The following CLYBL variants were observed in gnomAD, a reference collection of about 807,000 sequenced individuals.
CLYBL encodes citramalyl-CoA lyase.
CLYBL carries 31 observed loss-of-function variants against 38.9 expected under a neutral mutation model. The observed-to-expected ratio is 0.80, with a 90% CI of 0.60 to 1.08. The LOEUF (loss-of-function observed/expected upper bound fraction) is 1.08, where lower values mean the gene tolerates loss of function less well. Among genes scored for constraint, CLYBL ranks in the 50% least tolerant of loss-of-function variants. The pLI is 0.00. For synonymous variants in CLYBL, 171 were observed against 158.6 expected (o/e 1.08, Z -0.59); for missense variants, 434 against 411.6 (o/e 1.05, Z -0.47).
chr13:99,829,206 C>T (rs761619365), intron 2 of CLYBL, among the ~76,000 whole-genome samples: 1 of 152,214 alleles, frequency 6.6e-6, no homozygotes, highest in Admixed American at 6.5e-5. Context: ...TCATTTTAGT[C>T]ACCACCTCTT....
chr13:99,740,505 G>T (rs1303199594), intron 1 of CLYBL, among the ~76,000 whole-genome samples: 1 of 152,108 alleles, frequency 6.6e-6, no homozygotes, highest in Non-Finnish European at 1.5e-5. Flanking sequence ...GTGGCTACGT[G>T]GGTTCTTACT....
chr13:99,611,725 C>T (rs2046629632), intron 1 of CLYBL, among the ~76,000 whole-genome samples: 2 of 152,112 alleles, frequency 1.3e-5, no homozygotes, highest in Admixed American at 1.3e-4. Context: ...AATGTTTGCA[C>T]CTGCAGTTTT....
intron 2 of CLYBL, among the ~76,000 whole-genome samples, chr13:99,803,287 C>T (rs2050170952): frequency 6.6e-6 from 1 of 152,204 alleles, no homozygotes; most frequent in Non-Finnish European, 1.5e-5. Flanking sequence ...TTGCTACAGT[C>T]ACTAAGGATA....
At chr13:99,816,568 C>T (rs1022254697) in intron 2 of CLYBL, among the ~76,000 whole-genome samples, 3 of 152,272 alleles carry the variant, frequency 2.0e-5, no homozygotes, top group African/African-American at 7.2e-5. Flanking sequence ...GGAAGTGGGG[C>T]CTTTGAGGAG....
At chr13:99,615,778 A>G (rs1013205417) in intron 1 of CLYBL, among the ~76,000 whole-genome samples, 3 of 151,944 alleles carry the variant, frequency 2.0e-5, no homozygotes, top group Non-Finnish European at 2.9e-5. Context: ...TTCTCACCCC[A>G]TCCTCCCTAC....
chr13:99,843,828 C>G (rs2051138977), intron 2 of CLYBL, among the ~76,000 whole-genome samples: 1 of 152,212 alleles, frequency 6.6e-6, no homozygotes, highest in Admixed American at 6.5e-5. Context: ...TCTCGAACTC[C>G]TGACCTCAGG....
intron 1 of CLYBL, 87 bp downstream of exon 1, chr13:99,606,844 TC>T: frequency 1.5e-6 from 2 of 1,292,758 alleles, no homozygotes; most frequent in Non-Finnish European, 2.0e-6. Context: ...GGGCGCGGCC[TC>T]CCCAAGCCCT....
At chr13:99,840,888 T>G (rs753673480) in intron 2 of CLYBL, among the ~76,000 whole-genome samples, 1 of 151,968 alleles carries the variant, frequency 6.6e-6, no homozygotes, top group Non-Finnish European at 1.5e-5. Context: ...AAATATGGCT[T>G]ATGAAGTCAG....
intron 7 of CLYBL, among the ~76,000 whole-genome samples, chr13:99,883,455 G>C (rs955225381): frequency 6.6e-6 from 1 of 150,608 alleles, no homozygotes; most frequent in Non-Finnish European, 1.5e-5. Flanking sequence ...GGAGGCAGAG[G>C]TTCCAATGAG....
chr13:99,895,715 GAGTC>G (rs1003687737), downstream of CLYBL: 7 of 152,146 alleles, frequency 4.6e-5, 1 homozygote, highest in East Asian at 3.9e-4. Flanking sequence ...ATCGCCTTCC[GAGTC>G]AGTAAGAATT....
chr13:99,773,133 A>G (rs2049435326), intron 2 of CLYBL, 123 bp downstream of exon 2: 3 of 796,688 alleles, frequency 3.8e-6, no homozygotes, highest in Non-Finnish European at 2.0e-6. Context: ...ATTATTAACA[A>G]TTCTTTGATC....
chr13:99,720,696 G>A (rs1011878042), intron 1 of CLYBL, among the ~76,000 whole-genome samples: 1 of 152,068 alleles, frequency 6.6e-6, no homozygotes, highest in African/African-American at 2.4e-5. Context: ...TTAATTTTTG[G>A]TTGATTTTGC....
chr13:99,830,426 T>C (rs1217454018), intron 2 of CLYBL, among the ~76,000 whole-genome samples: 1 of 152,154 alleles, frequency 6.6e-6, no homozygotes, highest in Non-Finnish European at 1.5e-5. Flanking sequence ...CACTGCGGTA[T>C]AGAAAGTGGC....
At chr13:99,757,095 T>C (rs1463750503) in intron 1 of CLYBL, among the ~76,000 whole-genome samples, 1 of 152,130 alleles carries the variant, frequency 6.6e-6, no homozygotes, top group Non-Finnish European at 1.5e-5. Context: ...AGACAGGGCC[T>C]CCATGTGTTG....
chr13:99,855,225 C>T (rs2051431964), intron 2 of CLYBL, among the ~76,000 whole-genome samples: 1 of 152,182 alleles, frequency 6.6e-6, no homozygotes, highest in African/African-American at 2.4e-5. Context: ...AGTGTTAACA[C>T]ATTTAGAATG....
intron 1 of CLYBL, among the ~76,000 whole-genome samples, chr13:99,684,475 T>A (rs1184560558): frequency 6.6e-6 from 1 of 152,082 alleles, no homozygotes; most frequent in Admixed American, 6.6e-5. Context: ...AAACAAAAAA[T>A]TTAAATAGAA....
intron 1 of CLYBL, among the ~76,000 whole-genome samples, chr13:99,692,834 C>T (rs2047927757): frequency 6.6e-6 from 1 of 152,108 alleles, no homozygotes; most frequent in Non-Finnish European, 1.5e-5. Flanking sequence ...ATAAATATGC[C>T]CTTTTATCTC....
At chr13:99,732,717 G>A (rs2048611761) in intron 1 of CLYBL, among the ~76,000 whole-genome samples, 1 of 152,076 alleles carries the variant, frequency 6.6e-6, no homozygotes, top group South Asian at 2.1e-4. Context: ...AATAAGATAT[G>A]AAAATATGAA....
At chr13:99,708,953 C>T (rs1042283446) in intron 1 of CLYBL, among the ~76,000 whole-genome samples, 1 of 151,854 alleles carries the variant, frequency 6.6e-6, no homozygotes, top group African/African-American at 2.4e-5. Flanking sequence ...ATTAGCCGGG[C>T]GTGGTGGCAG....
Sources: gnomAD v4.1 joint callset for allele counts (sites outside exome capture counted in the v4.1 genomes callset) on GRCh38, gnomAD v4.1.1 for gene constraint, MANE v1.5 for transcripts, NCBI Gene and HGNC (gene_info 2026-07-23, HGNC 2026-07-21) for gene names.